The following ALDH5A1 variants were observed in gnomAD, a reference collection of about 807,000 sequenced individuals.
ALDH5A1 encodes aldehyde dehydrogenase 5 family member A1.
ALDH5A1 carries 33 observed loss-of-function variants against 54.7 expected under a neutral mutation model. The ratio of observed to expected loss-of-function variants is 0.60; its 90% CI spans 0.46 to 0.81. The LOEUF (loss-of-function observed/expected upper bound fraction) is 0.81, where lower values mean the gene tolerates loss of function less well. Ranked by LOEUF, ALDH5A1 falls within the 30% of genes least tolerant of loss-of-function variation. The probability of loss-of-function intolerance (pLI) is 0.00; values close to 1 mark genes in which losing one functional copy is unlikely to be tolerated. For missense variants in ALDH5A1, 657 were observed against 711.0 expected, an observed-to-expected ratio of 0.92 and a Z score of 0.86; for synonymous variants, 294 against 292.7, an observed-to-expected ratio of 1.00 and a Z score of -0.05.
intron 1 of ALDH5A1, among the ~76,000 whole-genome samples, chr6:24,496,057 C>T (rs577161967): frequency 1.1e-4 from 16 of 152,156 alleles, no homozygotes; most frequent in African/African-American, 3.6e-4. Flanking sequence ...ATTATTAAAC[C>T]TGGAGTCAAC....
Position 24,518,034 on chromosome 6 carries a change from C to T in ALDH5A1, c.871-2367C>T, listed in dbSNP as rs1422399036. On this transcript the variant is annotated intron_variant, in intron 5 of 9. Coordinates refer to ENST00000357578, the MANE Select transcript of ALDH5A1 (RefSeq NM_001080.3). The surrounding 1 kb of genome is among the most constrained non-coding windows in gnomAD (Gnocchi z 4.2). ...TGAGTGGTCATTGACTTGAGCGAAA[C>T]AGAAATTGTGGGCTGGCCAGTGACC... is the stretch of plus-strand genomic sequence containing the variant. Among the ~76,000 whole-genome samples the T allele has an allele frequency of 2.0e-5, 3 of 152,292 alleles. No individual in the cohort carries two copies. The highest frequency in any genetic ancestry group is 6.5e-5 in the Admixed American group (1 of 15,306).
intron 1 of ALDH5A1, among the ~76,000 whole-genome samples, chr6:24,499,666 TTC>T (rs200244114): frequency 0.26 from 34,507 of 130,694 alleles, 4,036 homozygotes; most frequent in African/African-American, 0.31. Flanking sequence ...ATAATTTCTT[TTC>T]TTTTTTTTTT....
At chr6:24,506,187 A>G (rs920011904) in intron 4 of ALDH5A1, among the ~76,000 whole-genome samples, 1 of 148,908 alleles carries the variant, frequency 6.7e-6, no homozygotes, top group African/African-American at 2.5e-5. Flanking sequence ...TCAGTCCTAT[A>G]GAGTTTTTAC....
intron 1 of ALDH5A1, among the ~76,000 whole-genome samples, chr6:24,501,406 G>T (rs1000688115): frequency 6.6e-6 from 1 of 152,156 alleles, no homozygotes; most frequent in Admixed American, 6.5e-5. Flanking sequence ...GTTTTCCAAA[G>T]AAAAGTATAG....
chr6:24,501,716 T>A (rs576079500), intron 1 of ALDH5A1, among the ~76,000 whole-genome samples: 32 of 152,250 alleles, frequency 2.1e-4, no homozygotes, highest in Admixed American at 3.3e-4. Flanking sequence ...GTCTCTTTTT[T>A]AAAATTTTTT....
intron 6 of ALDH5A1, among the ~76,000 whole-genome samples, chr6:24,521,114 C>T (rs1220172021): frequency 6.6e-6 from 1 of 152,202 alleles, no homozygotes; most frequent in Admixed American, 6.5e-5. Flanking sequence ...CCTCGCTGTC[C>T]CGAGATGGAG....
rs1759860108 is a variant in ALDH5A1 at position 24,528,214 on chromosome 6, A to C, written c.1343+48A>C. 3 of 1,608,094 alleles carry C rather than the reference A, an allele frequency of 1.9e-6. No individual in the cohort carries two copies. In the Admixed American group the frequency reaches 5.0e-5, roughly 27 times the overall value. On this transcript the variant is annotated intron_variant, in intron 8 of 9. Transcript: ENST00000357578. Reference sequence around the variant, plus strand: ...GAGATGGGAGGAAGAATAGAAGAGAACATAGGAAACCCTGAAAGAGATTCC... The same window carrying C: ...GAGATGGGAGGAAGAATAGAAGAGACCATAGGAAACCCTGAAAGAGATTCC...
In ALDH5A1 at chr6:24,534,271, G is replaced by C. The variant is rs1197648234; in HGVS notation, c.*559G>C. 6.4e-6 allele frequency: 1 copy of C among 156,820 alleles called. No homozygotes were observed. 9.7% of individuals were successfully genotyped at this position (156,820 alleles called of 1,614,324 possible). A position where few individuals can be genotyped will look rare whatever the true frequency, so the allele number is the denominator to read the frequency against. On this transcript the variant is annotated 3_prime_UTR_variant, in exon 10 of 10. Transcript: ENST00000357578. ...CAAAGACAATAAATAGCACAGAATT[G>C]TCCGTGCTTCTGTGAGGCACGAAGG...
intron 4 of ALDH5A1, among the ~76,000 whole-genome samples, chr6:24,505,354 C>T (rs1408283887): frequency 6.6e-6 from 1 of 152,178 alleles, no homozygotes; most frequent in Non-Finnish European, 1.5e-5. Flanking sequence ...TGTTTGAAAA[C>T]CTCAAGTGGC....
Position 24,515,213 on chromosome 6 carries a change from C to T in ALDH5A1, c.773C>T (p.Pro258Leu). ...GIPSGVYNVI[P>L]CSRKNAKEVG... ...CCTTCAGGTGTATACAATGTTATTCCCTGTTCTCGAAAGAATGCCAAGGAA... is the reference window on the plus strand; with the variant it reads ...CCTTCAGGTGTATACAATGTTATTCTCTGTTCTCGAAAGAATGCCAAGGAA... The change falls in exon 5 of 10, where the codon CCC becomes CTC. Residue 258 changes from proline (P) to leucine (L), a missense_variant. Pro to Leu is a moderately conservative substitution (Grantham distance 98). Around this residue, in one of 2 missense-constraint regions of ALDH5A1, gnomAD observed 425 missense variants for 516.4 expected, o/e 0.82. Transcript: ENST00000357578. 6.2e-7 allele frequency: 1 copy of T among 1,611,880 alleles called. No individual in the cohort carries two copies. Among genetic ancestry groups the T allele is most frequent in the Non-Finnish European group, 8.5e-7 (1 of 1,179,456 alleles).
intron 5 of ALDH5A1, among the ~76,000 whole-genome samples, chr6:24,515,598 C>T (rs543153478): frequency 1.3e-5 from 2 of 152,104 alleles, no homozygotes; most frequent in Non-Finnish European, 2.9e-5. Flanking sequence ...GGTGCACACC[C>T]GTAATCCCAG....
chr6:24,505,799 T>G (rs1759327095), intron 4 of ALDH5A1, among the ~76,000 whole-genome samples: 1 of 151,622 alleles, frequency 6.6e-6, no homozygotes, highest in African/African-American at 2.4e-5. Context: ...TGAAACCCTG[T>G]CTCTACTAAA....
chr6:24,495,080 C>G lies in ALDH5A1; in HGVS notation c.84C>G (p.Ala28=). ...CAGGCTGCCGCCTCCGCCCCCGCGC[C>G]GGCGGCCTGGTCCCTGCCTCCGGGC... The part of the protein sequence containing the change: ...TFPGCRLRPR[A]GGLVPASGPA... Residue 28 remains alanine (A), a synonymous_variant, in exon 1 of 10, where the codon GCC becomes GCG. Coordinates refer to ENST00000357578, the MANE Select transcript of ALDH5A1 (RefSeq NM_001080.3). 1 of 1,319,992 alleles carries G rather than the reference C, an allele frequency of 7.6e-7. No homozygotes were observed. The allele number at this position is 1,319,992 out of a possible 1,614,324, so 81.8% of individuals were successfully genotyped here.
chr6:24,511,651 AC>A (rs756764039), intron 4 of ALDH5A1, among the ~76,000 whole-genome samples: 10 of 150,966 alleles, frequency 6.6e-5, no homozygotes, highest in Non-Finnish European at 1.3e-4. Flanking sequence ...CTATAAGTGC[AC>A]CCATTGTTTC....
intron 8 of ALDH5A1, among the ~76,000 whole-genome samples, chr6:24,530,824 C>T (rs1759923703): frequency 6.6e-6 from 1 of 152,224 alleles, no homozygotes; most frequent in Non-Finnish European, 1.5e-5. Context: ...CTACCTGTAG[C>T]AATGTCGCAT....
chr6:24,505,419 C>A (rs61072898), intron 4 of ALDH5A1, among the ~76,000 whole-genome samples: 1 of 88,030 alleles, frequency 1.1e-5, no homozygotes, highest in African/African-American at 4.7e-5. Context: ...CTTTCAAGGT[C>A]CTATGTCACT....
Position 24,535,267 on chromosome 6 carries a change from C to G in ALDH5A1, c.*1555C>G, listed in dbSNP as rs1760024067. 6.6e-6 allele frequency: 1 copy of G among 152,220 alleles called. No individual in the cohort carries two copies. The highest frequency in any genetic ancestry group is 2.1e-4 in the South Asian group (1 of 4,830). The allele number at this position is 152,220 out of a possible 1,614,324, so 9.4% of individuals were successfully genotyped here. On this transcript the variant is annotated 3_prime_UTR_variant, in exon 10 of 10. Transcript: ENST00000357578. ...AAGCTATGGTTGAGTAACTAAAGGTCTGGCAAGACCCTGGGCACACAGGGA... is the reference window on the plus strand; with the variant it reads ...AAGCTATGGTTGAGTAACTAAAGGTGTGGCAAGACCCTGGGCACACAGGGA...
At chr6:24,526,917 CTATA>C (rs3032298) in intron 7 of ALDH5A1, among the ~76,000 whole-genome samples, 1 of 100,758 alleles carries the variant, frequency 9.9e-6, no homozygotes, top group Non-Finnish European at 1.9e-5. Context: ...TATATATATT[CTATA>C]TATATCTACT....
chr6:24,529,670 G>GTTTTTTTTTTTTT (rs55878931), intron 8 of ALDH5A1, among the ~76,000 whole-genome samples: 1 of 86,328 alleles, frequency 1.2e-5, no homozygotes, highest in Non-Finnish European at 2.1e-5. Context: ...TTTGGTTTGG[G>GTTTTTTTTTTTTT]TTTTTTTTTT....
Sources: allele counts gnomAD v4.1 joint callset (sites outside exome capture counted in the v4.1 genomes callset), GRCh38; gene constraint gnomAD v4.1.1; regional missense constraint gnomAD v4.1.1; non-coding constraint Gnocchi (gnomAD v3.1); transcripts MANE v1.5; gene names NCBI Gene and HGNC (gene_info 2026-07-23, HGNC 2026-07-21).